Variants in NYAP2 observed in about 807,000 individuals in gnomAD.
The protein encoded by NYAP2 is neuronal tyrosine-phosphorylated phosphoinositide-3-kinase adapter 2.
In NYAP2, 23 loss-of-function variants were observed where a neutral mutation model predicts 50.4. That is an observed-to-expected ratio of 0.46 (90% CI 0.33 to 0.65). NYAP2 has a LOEUF of 0.65. Among genes scored for constraint, NYAP2 ranks in the 30% least tolerant of loss-of-function variants. The pLI is 0.02. For missense variants in NYAP2, 885 were observed against 861.0 expected (o/e 1.03, Z -0.35); for synonymous variants, 394 against 365.2 (o/e 1.08, Z -0.90).
At chr2:225,398,497 A>T (rs1304395828), upstream of NYAP2, among the ~76,000 whole-genome samples, 2 of 151,944 alleles carry the variant, frequency 1.3e-5, no homozygotes, top group Non-Finnish European at 2.9e-5. Context: ...CTATGAGAAC[A>T]CTTCACTACC....
rs181277129 is a variant in NYAP2, at chr2:225,430,012, A to G, written c.221+20911A>G. Among the ~76,000 whole-genome samples the G allele has an allele frequency of 2.3e-3, 354 of 152,296 alleles. 1 individual carries two copies. The highest frequency in any genetic ancestry group is 6.8e-3 in the Middle Eastern group (2 of 294). On this transcript the variant is annotated intron_variant, in intron 3 of 6. Coordinates refer to ENST00000636099, the Ensembl canonical transcript of NYAP2. ...TTGCCAGGAAAATGTGTCAGCGTAA[A>G]CTGATAAACTCTGGATTATTCTGAT... is the stretch of plus-strand genomic sequence containing the variant.
exon 7 of NYAP2, chr2:225,652,406 A>G (rs963327938): frequency 6.6e-5 from 10 of 152,200 alleles, no homozygotes; most frequent in African/African-American, 2.4e-4. Flanking sequence ...AAAGGCATAA[A>G]CTGAAATATC....
chr2:225,640,542 T>G (rs1693509934), intron 6 of NYAP2, among the ~76,000 whole-genome samples: 1 of 152,198 alleles, frequency 6.6e-6, no homozygotes, highest in Admixed American at 6.5e-5. Context: ...AGGGAACTAG[T>G]CCTAGTCTTT....
intron 6 of NYAP2, among the ~76,000 whole-genome samples, chr2:225,648,760 G>C (rs1693680417): frequency 6.6e-6 from 1 of 152,126 alleles, no homozygotes; most frequent in Non-Finnish European, 1.5e-5. Flanking sequence ...AAGCAATGTA[G>C]ACAGCCTAGG....
At chr2:225,685,692 G>C in the NYAP2 span, among the ~76,000 whole-genome samples, 1 of 152,150 alleles carries the variant, frequency 6.6e-6, no homozygotes, top group South Asian at 2.1e-4. Flanking sequence ...TCATAAAATA[G>C]TCAAAAGTCA....
intron 3 of NYAP2, among the ~76,000 whole-genome samples, chr2:225,462,137 T>G (rs1433985359): frequency 6.6e-6 from 1 of 152,224 alleles, no homozygotes; most frequent in African/African-American, 2.4e-5. Context: ...ACTGCATAGT[T>G]GCATAGGTTT....
At chr2:225,519,326 G>A (rs979202330) in intron 4 of NYAP2, among the ~76,000 whole-genome samples, 18 of 150,990 alleles carry the variant, frequency 1.2e-4, no homozygotes, top group Non-Finnish European at 2.5e-4. Context: ...CAATGTGCAG[G>A]TTAGTTACAT....
the NYAP2 span, among the ~76,000 whole-genome samples, chr2:225,688,715 C>T: frequency 1.1e-3 from 168 of 152,276 alleles, no homozygotes; most frequent in African/African-American, 3.9e-3. Context: ...CTTATACTGT[C>T]TCCTCAGAAA....
chr2:225,466,017 G>A (rs112980798), intron 3 of NYAP2, among the ~76,000 whole-genome samples: 2,481 of 152,180 alleles, frequency 0.016, 32 homozygotes, highest in Non-Finnish European at 0.026. Flanking sequence ...ACACCATGCC[G>A]CTTGCTAATT....
intron 6 of NYAP2, among the ~76,000 whole-genome samples, chr2:225,642,597 C>T (rs952008205): frequency 2.0e-5 from 3 of 152,130 alleles, no homozygotes; most frequent in African/African-American, 7.2e-5. Flanking sequence ...AAGCCACTCT[C>T]ATTGACTGAC....
chr2:225,495,829 A>G (rs1690494546), intron 3 of NYAP2, among the ~76,000 whole-genome samples: 1 of 152,210 alleles, frequency 6.6e-6, no homozygotes, highest in Non-Finnish European at 1.5e-5. Flanking sequence ...TCTTCAGTAG[A>G]CTGACCTAGT....
chr2:225,558,013 C>G (rs1691807823), intron 4 of NYAP2, among the ~76,000 whole-genome samples: 1 of 152,108 alleles, frequency 6.6e-6, no homozygotes, highest in African/African-American at 2.4e-5. Context: ...TTCTCCCTTT[C>G]CCTGGTTTTT....
intron 3 of NYAP2, among the ~76,000 whole-genome samples, chr2:225,415,692 A>T (rs1269535374): frequency 6.6e-6 from 1 of 152,182 alleles, no homozygotes; most frequent in Non-Finnish European, 1.5e-5. Context: ...GAAAAGTGAG[A>T]TACCCTATTT....
At chr2:225,696,132 G>A in the NYAP2 span, among the ~76,000 whole-genome samples, 1 of 151,872 alleles carries the variant, frequency 6.6e-6, no homozygotes, top group Non-Finnish European at 1.5e-5. Flanking sequence ...TCAGGTAATG[G>A]AGCATAATAT....
At chr2:225,461,172 A>G (rs1689825585) in intron 3 of NYAP2, among the ~76,000 whole-genome samples, 1 of 151,970 alleles carries the variant, frequency 6.6e-6, no homozygotes, top group African/African-American at 2.4e-5. Flanking sequence ...GCACCTTACC[A>G]TTTGTTCTGT....
chr2:225,509,203 T>G (rs990788099), intron 3 of NYAP2, among the ~76,000 whole-genome samples: 3 of 152,008 alleles, frequency 2.0e-5, no homozygotes, highest in African/African-American at 7.3e-5. Flanking sequence ...GAAGTTGGAG[T>G]CCTTAGTAAC....
chr2:225,645,252 A>G lies in NYAP2; in HGVS notation c.1829-6180A>G, dbSNP rs188537306. 8.1e-4 allele frequency among the ~76,000 whole-genome samples: 123 copies of G among 151,842 alleles called. 1 individual carries two copies. The highest frequency in any genetic ancestry group is 2.5e-3 in the African/African-American group (105 of 41,292). On this transcript the variant is annotated intron_variant, in intron 6 of 6. Transcript: ENST00000636099. ...CAGCCTGGGCAGAAAAAAAAAAAAA[A>G]AAGAAGAAGAAAAAAGCTAACTAAT...
chr2:225,476,168 C>A (rs1402861979), intron 3 of NYAP2, among the ~76,000 whole-genome samples: 1 of 152,180 alleles, frequency 6.6e-6, no homozygotes, highest in Non-Finnish European at 1.5e-5. Context: ...AATCCCAGCA[C>A]TTTGGGAGGC....
At chr2:225,505,377 T>A (rs538720994) in intron 3 of NYAP2, among the ~76,000 whole-genome samples, 2 of 152,202 alleles carry the variant, frequency 1.3e-5, no homozygotes, top group Non-Finnish European at 2.9e-5. Context: ...TGAATGAGCA[T>A]GTGTGGCTCA....
Sources: allele counts gnomAD v4.1 joint callset (sites outside exome capture counted in the v4.1 genomes callset), GRCh38; gene constraint gnomAD v4.1.1; transcripts MANE v1.5; gene names NCBI Gene and HGNC (gene_info 2026-07-23, HGNC 2026-07-21).